Variants in SNTG1 observed in about 807,000 individuals in gnomAD.
SNTG1 encodes syntrophin gamma 1, also known as gamma-1-syntrophin.
SNTG1 carries 39 observed loss-of-function variants against 74.7 expected under a neutral mutation model. That is an observed-to-expected ratio of 0.52 (90% CI 0.40 to 0.68). The LOEUF (loss-of-function observed/expected upper bound fraction) is 0.68, where lower values mean the gene tolerates loss of function less well. Ranked by LOEUF, SNTG1 falls within the 30% of genes least tolerant of loss-of-function variation. The pLI, the probability that SNTG1 is intolerant of heterozygous loss-of-function variation, is 0.00. For missense variants in SNTG1, 685 were observed against 609.5 expected (o/e 1.12, Z -1.30); for synonymous variants, 254 against 217.1 (o/e 1.17, Z -1.49).
chr8:49,971,862 A>C (rs761369432), intron 1 of SNTG1, among the ~76,000 whole-genome samples: 2 of 152,202 alleles, frequency 1.3e-5, no homozygotes, highest in Non-Finnish European at 1.5e-5. Context: ...AAGGAAATAA[A>C]AGAGGATACA....
chr8:50,380,167 G>A (rs556834364), intron 2 of SNTG1, among the ~76,000 whole-genome samples: 1 of 152,176 alleles, frequency 6.6e-6, no homozygotes, highest in South Asian at 2.1e-4. Flanking sequence ...ACATAAAAAG[G>A]TTAAAGATGC....
intron 10 of SNTG1, among the ~76,000 whole-genome samples, chr8:50,530,956 C>A (rs963803184): frequency 2.0e-5 from 3 of 152,092 alleles, no homozygotes; most frequent in African/African-American, 7.2e-5. Context: ...ATCTTTCATG[C>A]TTACAAACAT....
At chr8:50,554,020 A>G (rs904478912) in intron 12 of SNTG1, among the ~76,000 whole-genome samples, 1 of 152,160 alleles carries the variant, frequency 6.6e-6, no homozygotes, top group African/African-American at 2.4e-5. Context: ...TCAAGCAGAA[A>G]TATATAACTC....
intron 8 of SNTG1, among the ~76,000 whole-genome samples, chr8:50,500,813 T>C (rs1215215758): frequency 6.6e-6 from 1 of 152,102 alleles, no homozygotes; most frequent in Non-Finnish European, 1.5e-5. Context: ...CTGGGATTGT[T>C]TGAAGGGATG....
chr8:50,116,433 C>A (rs1055643040), intron 1 of SNTG1, among the ~76,000 whole-genome samples: 62 of 152,154 alleles, frequency 4.1e-4, no homozygotes, highest in African/African-American at 1.4e-3. Context: ...TGATTTTTAC[C>A]CACCCTTTGA....
intron 13 of SNTG1, among the ~76,000 whole-genome samples, chr8:50,650,924 C>T (rs912021579): frequency 1.3e-5 from 2 of 152,258 alleles, no homozygotes; most frequent in Admixed American, 6.5e-5. Context: ...TGGTCTCGAA[C>T]TCTTGACCTC....
chr8:50,560,808 C>T (rs1316998724), intron 12 of SNTG1, among the ~76,000 whole-genome samples: 1 of 152,098 alleles, frequency 6.6e-6, no homozygotes, highest in Non-Finnish European at 1.5e-5. Flanking sequence ...AGCAAACCAC[C>T]ATGGCACATG....
chr8:50,340,427 G>A (rs1004320452), intron 2 of SNTG1, among the ~76,000 whole-genome samples: 1 of 151,946 alleles, frequency 6.6e-6, no homozygotes, highest in East Asian at 1.9e-4. Flanking sequence ...CTGCACAAAT[G>A]TAGTCAATTG....
chr8:50,723,594 T>C (rs1158397110), intron 17 of SNTG1, among the ~76,000 whole-genome samples: 4 of 152,142 alleles, frequency 2.6e-5, no homozygotes, highest in African/African-American at 4.8e-5. Context: ...GGAAATGAAG[T>C]GATTTTTCTT....
chr8:50,376,729 T>TTATATATA (rs375978893), intron 2 of SNTG1, among the ~76,000 whole-genome samples: 38 of 100,574 alleles, frequency 3.8e-4, no homozygotes, highest in Admixed American at 6.0e-4. Context: ...TATTAATAAA[T>TTATATATA]TATATATATA....
At chr8:50,407,929 G>T (rs1385603014) in intron 4 of SNTG1, among the ~76,000 whole-genome samples, 1 of 152,094 alleles carries the variant, frequency 6.6e-6, no homozygotes, top group Non-Finnish European at 1.5e-5. Context: ...CACTGGTCTG[G>T]GTGGCATTAG....
At chr8:50,646,089 G>T (rs10808845) in intron 13 of SNTG1, among the ~76,000 whole-genome samples, 32,199 of 152,058 alleles carry the variant, frequency 0.21, 3,780 homozygotes, top group African/African-American at 0.3. Flanking sequence ...GGTCCAATAT[G>T]TCGTATTTGG....
chr8:50,305,102 T>C lies in SNTG1; in HGVS notation c.-27-89110T>C, dbSNP rs147915823. On this transcript the variant is annotated intron_variant, in intron 2 of 18. Transcript: ENST00000642720. ...ATTTTTTGGAGATGGGGTTTCACCA[T>C]GTTGGCCAGGCTGGTCTCAAACTCC... 4.5e-3 allele frequency among the ~76,000 whole-genome samples: 682 copies of C among 152,038 alleles called. 7 individuals carry two copies. The highest frequency in any genetic ancestry group is 0.015 in the African/African-American group (639 of 41,494).
At chr8:49,984,711 A>C (rs1812999086) in intron 1 of SNTG1, among the ~76,000 whole-genome samples, 1 of 152,216 alleles carries the variant, frequency 6.6e-6, no homozygotes, top group South Asian at 2.1e-4. Context: ...AGTAAGTTGA[A>C]GAATCGATAC....
intron 13 of SNTG1, among the ~76,000 whole-genome samples, chr8:50,623,168 T>C (rs1585874997): frequency 6.6e-6 from 1 of 152,196 alleles, no homozygotes; most frequent in East Asian, 1.9e-4. Context: ...CATTTATTCT[T>C]TGTGATCAAT....
intron 1 of SNTG1, among the ~76,000 whole-genome samples, chr8:49,938,250 T>C (rs895025346): frequency 1.3e-5 from 2 of 152,240 alleles, no homozygotes; most frequent in African/African-American, 4.8e-5. Flanking sequence ...ATCTCATATA[T>C]GATCATTGCC....
intron 2 of SNTG1, among the ~76,000 whole-genome samples, chr8:50,351,199 C>T (rs925927883): frequency 4.6e-5 from 7 of 152,100 alleles, no homozygotes; most frequent in African/African-American, 1.7e-4. Flanking sequence ...CAGTTGTTCT[C>T]GTGTATTCAG....
intron 9 of SNTG1, among the ~76,000 whole-genome samples, chr8:50,527,174 C>T (rs2094227820): frequency 1.3e-5 from 2 of 151,340 alleles, no homozygotes; most frequent in African/African-American, 4.9e-5. Context: ...GACTTTTCCC[C>T]ATTTTTCTGT....
intron 2 of SNTG1, among the ~76,000 whole-genome samples, chr8:50,392,282 C>A (rs960118558): frequency 2.6e-5 from 4 of 152,178 alleles, no homozygotes; most frequent in African/African-American, 9.7e-5. Flanking sequence ...TGAATCATGG[C>A]AGCATCTCCT....
Sources: allele counts gnomAD v4.1 joint callset (sites outside exome capture counted in the v4.1 genomes callset), GRCh38; gene constraint gnomAD v4.1.1; transcripts MANE v1.5; gene names NCBI Gene and HGNC (gene_info 2026-07-23, HGNC 2026-07-21).